CTNNA3: variants seen among roughly 807,000 people sequenced by gnomAD.
CTNNA3 encodes the protein catenin alpha-3.
Under a neutral mutation model 95.7 loss-of-function variants are expected in CTNNA3, and 76 were observed. That is an observed-to-expected ratio of 0.79 (90% CI 0.66 to 0.96). The LOEUF (loss-of-function observed/expected upper bound fraction) is 0.96, where lower values mean the gene tolerates loss of function less well. Ranked by LOEUF, CTNNA3 falls within the 40% of genes least tolerant of loss-of-function variation. CTNNA3 has a pLI of 0.00. For missense variants in CTNNA3, 1,191 were observed against 1,089.8 expected (o/e 1.09, Z -1.31); for synonymous variants, 431 against 374.4 (o/e 1.15, Z -1.74).
At chr10:67,184,883 C>T (rs1222257271) in intron 6 of CTNNA3, among the ~76,000 whole-genome samples, 1 of 152,100 alleles carries the variant, frequency 6.6e-6, no homozygotes, top group African/African-American at 2.4e-5. Context: ...TTTCTCAGTG[C>T]CTCAAAATAA....
chr10:66,279,554 C>T (rs1385878210), intron 13 of CTNNA3, among the ~76,000 whole-genome samples: 2 of 151,976 alleles, frequency 1.3e-5, no homozygotes, highest in African/African-American at 2.4e-5. Context: ...CCAGTTTGTT[C>T]ATGTCAGGTA....
chr10:66,578,305 T>C (rs1041305908), intron 10 of CTNNA3, among the ~76,000 whole-genome samples: 15 of 152,008 alleles, frequency 9.9e-5, no homozygotes, highest in Non-Finnish European at 1.5e-4. Context: ...GGATGCCTTT[T>C]ATTTCTTTGT....
chr10:66,508,211 T>TTTTTTTTTTTTTTTTTTGTTTTTG (rs1491247894), intron 11 of CTNNA3, among the ~76,000 whole-genome samples: 2 of 91,178 alleles, frequency 2.2e-5, no homozygotes, highest in African/African-American at 5.9e-5. Flanking sequence ...TTGTTTTCTG[T>TTTTTTTTTTTTTTTTTTGTTTTTG]TTTTTTTTTT....
At chr10:66,522,651 T>C (rs1841107438) in intron 10 of CTNNA3, among the ~76,000 whole-genome samples, 1 of 151,892 alleles carries the variant, frequency 6.6e-6, no homozygotes. Flanking sequence ...ACCTCTTTCC[T>C]TTATGGATTA....
chr10:67,305,330 A>C (rs1288214741), intron 5 of CTNNA3, among the ~76,000 whole-genome samples: 1 of 150,624 alleles, frequency 6.6e-6, no homozygotes, highest in Admixed American at 6.6e-5. Context: ...TAACCTGCGC[A>C]ATGTGCACAT....
chr10:67,670,998 G>A (rs191306120), intron 1 of CTNNA3, among the ~76,000 whole-genome samples: 187 of 151,618 alleles, frequency 1.2e-3, no homozygotes, highest in African/African-American at 4.3e-3. Flanking sequence ...TTTGTTTTTT[G>A]GTCTATCTAT....
In CTNNA3 at chr10:66,926,534, C is replaced by G. The variant is rs538935521; in HGVS notation, c.1048-151010G>C. 7.4e-5 allele frequency: 119 copies of G among 1,611,698 alleles called. 1 individual carries two copies. The South Asian group carries it at 1.3e-3, about 17-fold the overall frequency. On this transcript the variant is annotated intron_variant, in intron 7 of 17. Transcript: ENST00000433211. ...TGACAGGGGCTGTCATGCAACTGGC[C>G]CCTAAGCCAAAGCAAAAGACCTAAG...
At chr10:67,521,712 C>A (rs1425643190) in intron 5 of CTNNA3, 130 bp downstream of exon 5, 5 of 1,175,586 alleles carry the variant, frequency 4.3e-6, no homozygotes, top group Non-Finnish European at 5.9e-6. Context: ...CAGATCAGCA[C>A]AGCACAACCT....
chr10:66,540,303 C>A (rs544027208), intron 10 of CTNNA3, among the ~76,000 whole-genome samples: 1 of 152,080 alleles, frequency 6.6e-6, no homozygotes, highest in Non-Finnish European at 1.5e-5. Context: ...GAAATACAGG[C>A]AATTTGTTGT....
chr10:67,758,017 A>G (rs1370030116), intron 1 of CTNNA3, among the ~76,000 whole-genome samples: 1 of 152,130 alleles, frequency 6.6e-6, no homozygotes, highest in African/African-American at 2.4e-5. Flanking sequence ...TCACCAATGC[A>G]GGCAGGAAGT....
At position 65,916,133 on chromosome 10, in the gene CTNNA3, A is replaced by T. The variant is rs2133093104; in HGVS notation, c.*4197T>A. On this transcript the variant is annotated 3_prime_UTR_variant, in exon 18 of 18. Coordinates refer to ENST00000433211, the MANE Select transcript of CTNNA3 (RefSeq NM_013266.4). ...TGGGAAAAGAGTCATAAAGAAAAAA[A>T]TGGAATTTTCATATAAATAAAAACA... is the stretch of plus-strand genomic sequence containing the variant. 1 of 152,262 alleles carries T rather than the reference A, an allele frequency of 6.6e-6. No individual in the cohort carries two copies. Among genetic ancestry groups the T allele is most frequent in the East Asian group, 1.9e-4 (1 of 5,184 alleles). 9.4% of individuals were successfully genotyped at this position (152,262 alleles called of 1,614,324 possible). A position where few individuals can be genotyped will look rare whatever the true frequency, so the allele number is the denominator to read the frequency against.
chr10:66,737,692 G>A (rs141043052), intron 9 of CTNNA3, among the ~76,000 whole-genome samples: 100 of 149,464 alleles, frequency 6.7e-4, no homozygotes, highest in African/African-American at 2.2e-3. Context: ...ATGGAGTCTC[G>A]CTCTGTCACC....
intron 10 of CTNNA3, among the ~76,000 whole-genome samples, chr10:66,582,782 T>C (rs868331948): frequency 4.6e-5 from 7 of 151,856 alleles, no homozygotes; most frequent in African/African-American, 1.4e-4. Flanking sequence ...GTTTGGAATA[T>C]ACAGCTTTAA....
chr10:67,388,885 G>A (rs1020517415), intron 5 of CTNNA3, among the ~76,000 whole-genome samples: 10 of 152,118 alleles, frequency 6.6e-5, no homozygotes, highest in East Asian at 5.8e-4. Context: ...CCACCAGGCC[G>A]GCCTTACAAG....
At chr10:67,722,568 G>A (rs185850823) in intron 1 of CTNNA3, among the ~76,000 whole-genome samples, 2 of 152,260 alleles carry the variant, frequency 1.3e-5, no homozygotes, top group Admixed American at 1.3e-4. Context: ...GCTTGGGACT[G>A]TATTGATATT....
At chr10:67,494,094 T>C (rs1390737736) in intron 5 of CTNNA3, among the ~76,000 whole-genome samples, 1 of 152,234 alleles carries the variant, frequency 6.6e-6, no homozygotes, top group Non-Finnish European at 1.5e-5. Context: ...GCATACTTTT[T>C]GTGACTCTGG....
chr10:66,600,314 G>A (rs1309555931), intron 10 of CTNNA3, among the ~76,000 whole-genome samples: 1 of 151,752 alleles, frequency 6.6e-6, no homozygotes, highest in African/African-American at 2.4e-5. Flanking sequence ...CATATACCTT[G>A]AAATAATGTA....
At chr10:67,094,636 C>T (rs1208428099) in intron 7 of CTNNA3, among the ~76,000 whole-genome samples, 1 of 151,540 alleles carries the variant, frequency 6.6e-6, no homozygotes, top group Admixed American at 6.6e-5. Flanking sequence ...AATAAACATA[C>T]CTTGTACTAC....
chr10:66,026,647 C>A (rs1441491306), intron 15 of CTNNA3, among the ~76,000 whole-genome samples: 2 of 151,960 alleles, frequency 1.3e-5, no homozygotes, highest in Non-Finnish European at 2.9e-5. Context: ...GGCTGAGCAA[C>A]AAACTGTGTC....
Sources: allele counts gnomAD v4.1 joint callset (sites outside exome capture counted in the v4.1 genomes callset), GRCh38; gene constraint gnomAD v4.1.1; transcripts MANE v1.5; gene names NCBI Gene and HGNC (gene_info 2026-07-23, HGNC 2026-07-21).